The following AXIN1 variants were observed in gnomAD, a reference collection of about 807,000 sequenced individuals.
AXIN1 encodes axin-1.
A neutral mutation model predicts 76.4 loss-of-function variants in AXIN1; 30 were observed. The observed-to-expected ratio is 0.39, with a 90% confidence interval of 0.29 to 0.53. The LOEUF (loss-of-function observed/expected upper bound fraction) is 0.53. Ranked by LOEUF, AXIN1 falls within the 20% of genes least tolerant of loss-of-function variation. The pLI, the probability that AXIN1 is intolerant of heterozygous loss-of-function variation, is 0.66. For missense variants in AXIN1, 1,140 were observed against 1,198.8 expected, an observed-to-expected ratio of 0.95 and a Z score of 0.72; for synonymous variants, 545 against 501.4, an observed-to-expected ratio of 1.09 and a Z score of -1.16.
At chr16:309,617 GGGCCA>G (rs2053122116) in intron 4 of AXIN1, among the ~76,000 whole-genome samples, 1 of 152,220 alleles carries the variant, frequency 6.6e-6, no homozygotes, top group South Asian at 2.1e-4. Flanking sequence ...GGCTGTGCAG[GGGCCA>G]GGCCTGGGCT....
chr16:335,562 G>A (rs1274493977), intron 2 of AXIN1, among the ~76,000 whole-genome samples: 3 of 151,092 alleles, frequency 2.0e-5, no homozygotes, highest in Non-Finnish European at 4.4e-5. Context: ...ACCACTGCAT[G>A]CCAATAACAC....
intron 2 of AXIN1, among the ~76,000 whole-genome samples, chr16:337,497 C>CAAA (rs35744069): frequency 9.7e-5 from 7 of 72,016 alleles, no homozygotes; most frequent in Non-Finnish European, 1.5e-4. Context: ...GGGTCAAAAC[C>CAAA]AAAAAAAAAA....
At chr16:327,121 G>A (rs766480876) in intron 2 of AXIN1, among the ~76,000 whole-genome samples, 4 of 151,688 alleles carry the variant, frequency 2.6e-5, no homozygotes, top group Admixed American at 1.3e-4. Flanking sequence ...CAACCTGGGC[G>A]ACAGAGCGAG....
intron 2 of AXIN1, among the ~76,000 whole-genome samples, chr16:327,048 A>C (rs774109948): frequency 2.0e-5 from 3 of 152,046 alleles, no homozygotes; most frequent in Non-Finnish European, 2.9e-5. Context: ...AGCCTGAGGC[A>C]GAAGACTGGC....
At chr16:315,271 T>C (rs996036140) in intron 2 of AXIN1, among the ~76,000 whole-genome samples, 4 of 152,244 alleles carry the variant, frequency 2.6e-5, no homozygotes, top group Admixed American at 2.6e-4. Context: ...TGACACCTTT[T>C]TTCAATCTGC....
chr16:318,036 G>GCCCACGGCACTTGGTGCGTCTGTAT (rs1395173026), intron 2 of AXIN1, among the ~76,000 whole-genome samples: 4 of 152,008 alleles, frequency 2.6e-5, no homozygotes, highest in Admixed American at 2.0e-4. Flanking sequence ...TGCGTCTGTA[G>GCCCACGGCACTTGGTGCGTCTGTAT]CCCACAGCAC....
chr16:341,375 C>A (rs1040607529), intron 2 of AXIN1, among the ~76,000 whole-genome samples: 1 of 152,246 alleles, frequency 6.6e-6, no homozygotes, highest in African/African-American at 2.4e-5. Context: ...CCAGCCCTGC[C>A]GGCCGCGGGC....
chr16:290,271 C>G (rs923636576), intron 9 of AXIN1: 2 of 159,624 alleles, frequency 1.3e-5, no homozygotes, highest in Admixed American at 1.2e-4. Context: ...GGGTTCAGCC[C>G]TTGGGCCTCC....
At chr16:303,515 G>A (rs1426270997) in intron 5 of AXIN1, among the ~76,000 whole-genome samples, 1 of 151,922 alleles carries the variant, frequency 6.6e-6, no homozygotes, top group African/African-American at 2.4e-5. Context: ...CTGAGTAGTT[G>A]GGATTACAGG....
chr16:288,090 T>C lies in AXIN1; in HGVS notation c.*32A>G, dbSNP rs2141458507. ...GTGACACCCGTGCCCGCCAAGGGCC[T>C]CGCCTGGCACAGCGGCCAGCCCACC... On this transcript the variant is annotated 3_prime_UTR_variant, in exon 11 of 11. Transcript: ENST00000262320. 6.2e-7 allele frequency: 1 copy of C among 1,612,852 alleles called. No homozygotes were observed. Among genetic ancestry groups the C allele is most frequent in the Non-Finnish European group, 8.5e-7 (1 of 1,179,982 alleles).
chr16:339,553 G>A (rs1028048672), intron 2 of AXIN1, among the ~76,000 whole-genome samples: 3 of 151,552 alleles, frequency 2.0e-5, no homozygotes, highest in African/African-American at 4.9e-5. Context: ...ATGGCGGCAG[G>A]TGCCTATAAT....
intron 1 of AXIN1, among the ~76,000 whole-genome samples, chr16:347,827 G>A (rs567673903): frequency 9.9e-5 from 15 of 152,268 alleles, no homozygotes; most frequent in Admixed American, 3.3e-4. Context: ...CTCGGACACC[G>A]TCACTGGAGA....
intron 3 of AXIN1, among the ~76,000 whole-genome samples, chr16:311,383 A>T (rs928872683): frequency 1.3e-5 from 2 of 152,164 alleles, no homozygotes; most frequent in Non-Finnish European, 2.9e-5. Flanking sequence ...CACGAAAGTC[A>T]GATTATACAT....
intron 4 of AXIN1, among the ~76,000 whole-genome samples, chr16:307,179 G>T (rs2053050001): frequency 6.6e-6 from 1 of 152,206 alleles, no homozygotes; most frequent in Admixed American, 6.5e-5. Context: ...CCAAGGGCAG[G>T]ATGAAAAGCC....
In AXIN1 at chr16:293,564, G is replaced by T. The variant is rs1401802800; in HGVS notation, c.2110C>A (p.Leu704Ile). The T allele has an allele frequency of 1.9e-6, 3 of 1,612,202 alleles. No homozygotes were observed. Among genetic ancestry groups the T allele is most frequent in the Middle Eastern group, 1.7e-4 (1 of 5,862 alleles). The change falls in exon 8 of 11, where the codon CTA becomes ATA. Residue 704 changes from leucine (L) to isoleucine (I), a missense_variant. Coordinates refer to ENST00000262320, the MANE Select transcript of AXIN1 (RefSeq NM_003502.4). This position sits in a 1 kb window ranked among gnomAD's most constrained non-coding sequence, Gnocchi z 4.6. ...TMPPHPAPNPLTQLEEARRRL... is the reference protein window; with the variant it reads ...TMPPHPAPNPITQLEEARRRL... ...CGGCGCGCCTCCTCCAGCTGGGTTA[G>T]GGGGTTGGGAGCTGGGTGGGGTGGC...
At chr16:334,123 A>C (rs2053751435) in intron 2 of AXIN1, among the ~76,000 whole-genome samples, 1 of 151,302 alleles carries the variant, frequency 6.6e-6, no homozygotes, top group Non-Finnish European at 1.5e-5. Context: ...CCAATAACAC[A>C]GCACCCAGTA....
At chr16:334,476 C>A (rs74000527) in intron 2 of AXIN1, among the ~76,000 whole-genome samples, 2 of 138,550 alleles carry the variant, frequency 1.4e-5, no homozygotes, top group Non-Finnish European at 3.1e-5. Flanking sequence ...CCCAGTACCA[C>A]GGCAAGCTAA....
intron 3 of AXIN1, among the ~76,000 whole-genome samples, chr16:311,554 G>A (rs928674476): frequency 2.4e-4 from 37 of 151,282 alleles, no homozygotes; most frequent in Admixed American, 3.9e-4. Flanking sequence ...GGCGGATCAC[G>A]AGGTCAGGAG....
At chr16:317,183 C>A (rs2053322887) in intron 2 of AXIN1, among the ~76,000 whole-genome samples, 1 of 152,186 alleles carries the variant, frequency 6.6e-6, no homozygotes. Context: ...GGGGGGCAGG[C>A]AGCCCAGCAC....
Sources: allele counts gnomAD v4.1 joint callset (sites outside exome capture counted in the v4.1 genomes callset), GRCh38; gene constraint gnomAD v4.1.1; non-coding constraint Gnocchi (gnomAD v3.1); transcripts MANE v1.5; gene names NCBI Gene and HGNC (gene_info 2026-07-23, HGNC 2026-07-21).